Variants in SOX5 observed in about 807,000 individuals in gnomAD.
SOX5 encodes the protein transcription factor SOX-5.
Under a neutral mutation model 92.0 loss-of-function variants are expected in SOX5, and 9 were observed. The observed-to-expected ratio is 0.10, with a 90% CI of 0.06 to 0.17. The LOEUF (loss-of-function observed/expected upper bound fraction) is 0.17. Among genes scored for constraint, SOX5 ranks in the 10% least tolerant of loss-of-function variants. The pLI is 1.00. For synonymous variants in SOX5, 344 were observed against 336.3 expected (o/e 1.02, Z -0.25); for missense variants, 642 against 944.5 (o/e 0.68, Z 4.20).
chr12:24,530,384 T>C (rs899068730), intron 1 of SOX5, among the ~76,000 whole-genome samples: 12 of 152,168 alleles, frequency 7.9e-5, no homozygotes, highest in African/African-American at 2.9e-4. Flanking sequence ...AAAAACTGGG[T>C]TGGGATATAT....
intron 6 of SOX5, among the ~76,000 whole-genome samples, chr12:23,667,686 T>C (rs994472135): frequency 1.3e-5 from 2 of 151,918 alleles, no homozygotes; most frequent in East Asian, 1.9e-4. Context: ...AAGTAGGAGA[T>C]AAAGGAACTG....
chr12:24,158,908 T>C lies in SOX5; in HGVS notation c.-2+54435A>G, dbSNP rs555061267. ...TTTTTGAGATGTTCTTATCAAATAA[T>C]GAATCAATGAAGTTGGTTTCTTATA... On this transcript the variant is annotated intron_variant, in intron 4 of 4. Transcript: ENST00000446891. Among the ~76,000 whole-genome samples, 13 of 152,078 alleles carry C rather than the reference T, an allele frequency of 8.5e-5. No homozygotes were observed. The East Asian group carries it at 2.1e-3, about 25-fold the overall frequency.
rs537653653 is a variant in SOX5, at chr12:23,762,031, A to G, written c.482-6307T>C. On this transcript the variant is annotated intron_variant, in intron 3 of 14. Transcript: ENST00000451604. ...AGATTGAGCTAAATCTGGAAATCAT[A>G]TATCAGTAAGAGTTCAATTCATGTT... 3.0e-4 allele frequency among the ~76,000 whole-genome samples: 45 copies of G among 152,298 alleles called. No individual in the cohort carries two copies. The South Asian group carries it at 8.7e-3, about 30-fold the overall frequency.
At position 24,517,251 on chromosome 12, in the gene SOX5, T is replaced by A. The variant is rs140922096; in HGVS notation, c.-251+45078A>T. Among the ~76,000 whole-genome samples, 195 of 152,292 alleles carry A rather than the reference T, an allele frequency of 1.3e-3. 1 individual carries two copies. Among genetic ancestry groups the A allele is most frequent in the African/African-American group, 4.5e-3 (185 of 41,562 alleles). On this transcript the variant is annotated intron_variant, in intron 1 of 4. Transcript: ENST00000446891. The stretch of plus-strand genomic sequence containing the variant: ...CATTGTGAATAGTAAATTAACAAAT[T>A]CTGAATAGCTTGTAAAAAGGAAATC...
chr12:23,659,782 C>T (rs948759310), intron 7 of SOX5, among the ~76,000 whole-genome samples: 24 of 152,140 alleles, frequency 1.6e-4, no homozygotes, highest in African/African-American at 7.2e-5. Context: ...GCCTAGGCAA[C>T]GTGGCAAAAT....
At position 23,577,150 on chromosome 12, in the gene SOX5, T is replaced by TATACACACACAC. The variant is rs1387483353; in HGVS notation, c.1165-1313_1165-1312insGTGTGTGTGTAT. 3.1e-4 allele frequency among the ~76,000 whole-genome samples: 36 copies of TATACACACACAC among 117,592 alleles called. 1 individual carries two copies. The highest frequency in any genetic ancestry group is 1.0e-3 in the African/African-American group (31 of 30,700). The allele number at this position is 117,592 out of a possible 152,430, so 77.1% of individuals were successfully genotyped here. ...TCGATATCAAGTTTATATATATATA[T>TATACACACACAC]ACACACACACACACACACACACACA... On this transcript the variant is annotated intron_variant, in intron 9 of 14. Transcript: ENST00000451604.
intron 3 of SOX5, among the ~76,000 whole-genome samples, chr12:23,768,298 G>T (rs770054073): frequency 6.6e-6 from 1 of 152,026 alleles, no homozygotes. Context: ...AAGCCATGAA[G>T]GTCTGTGTTC....
intron 7 of SOX5, among the ~76,000 whole-genome samples, chr12:23,643,197 C>T (rs78612436): frequency 0.023 from 3,485 of 151,286 alleles, 122 homozygotes; most frequent in African/African-American, 0.078. Flanking sequence ...ACTGGTAAAA[C>T]CTAATGACTG....
chr12:23,825,811 C>A (rs966350143), intron 3 of SOX5, among the ~76,000 whole-genome samples: 33 of 152,182 alleles, frequency 2.2e-4, no homozygotes, highest in Non-Finnish European at 4.7e-4. Flanking sequence ...TATATGTATA[C>A]TTTAAAACTG....
At chr12:24,513,289 C>T (rs1328393714) in intron 1 of SOX5, among the ~76,000 whole-genome samples, 1 of 152,196 alleles carries the variant, frequency 6.6e-6, no homozygotes, top group Non-Finnish European at 1.5e-5. Context: ...TTATGATGGG[C>T]TTATGGGGAA....
intron 1 of SOX5, among the ~76,000 whole-genome samples, chr12:24,534,232 G>A (rs1951436346): frequency 6.6e-6 from 1 of 151,776 alleles, no homozygotes; most frequent in Admixed American, 6.6e-5. Flanking sequence ...AGCTGCAGTT[G>A]AGGGTTTCAT....
chr12:24,190,617 C>T (rs1321580664), intron 4 of SOX5, among the ~76,000 whole-genome samples: 4 of 152,062 alleles, frequency 2.6e-5, no homozygotes, highest in East Asian at 3.8e-4. Context: ...CTCTGGTCTC[C>T]GTGATTCGGA....
At position 24,419,969 on chromosome 12, in the gene SOX5, C is replaced by T. The variant is rs77373406; in HGVS notation, c.-250-51330G>A. Among the ~76,000 whole-genome samples the T allele has an allele frequency of 4.5e-3, 682 of 152,334 alleles. 11 individuals are homozygous for T. The East Asian group carries it at 0.051, about 11-fold the overall frequency. ...ACTGTGAAAGAAGACTCTGCTATGGCATTAAGCCAAAGAAATGCTAAGATC... is the reference window on the plus strand; with the variant it reads ...ACTGTGAAAGAAGACTCTGCTATGGTATTAAGCCAAAGAAATGCTAAGATC... On this transcript the variant is annotated intron_variant, in intron 1 of 4. Transcript: ENST00000446891.
rs76413563 is a variant in SOX5 at position 24,197,199 on chromosome 12, A to G, written c.-2+16144T>C. Among the ~76,000 whole-genome samples the G allele has an allele frequency of 2.6e-5, 4 of 152,280 alleles. No homozygotes were observed. In the East Asian group the frequency reaches 7.7e-4, roughly 29 times the overall value. On this transcript the variant is annotated intron_variant, in intron 4 of 4. Coordinates refer to the SOX5 transcript ENST00000446891. ...ATCTTGGGTGATGCCTCAGGTTTTC[A>G]TTTCCAGATCAATTTAATAGCCCCT...
At position 23,730,198 on chromosome 12, in the gene SOX5, T is replaced by C. The variant is rs990953701; in HGVS notation, c.810+4486A>G. Among the ~76,000 whole-genome samples, 5 of 151,910 alleles carry C rather than the reference T, an allele frequency of 3.3e-5. No homozygotes were observed. In the South Asian group the frequency reaches 1.0e-3, roughly 31 times the overall value. On this transcript the variant is annotated intron_variant, in intron 6 of 14. Transcript: ENST00000451604. ...TTGCTAAAAGATGGGGACTGTAGAA[T>C]AGGCAACAGAGTAAGAGGGAAAAAA...
In SOX5 at chr12:23,536,457, C is replaced by T. The variant is rs1471908639; in HGVS notation, c.1984G>A (p.Val662Ile). ...RRQEMRQYFN[V>I]GQQAQIPIAT... is the part of the protein sequence containing the mutation. ...AAATGACTAAAAGGTACATACCCAA[C>T]ATTGAAGTACTGCCGCATTTCCTGC... is the stretch of plus-strand genomic sequence containing the variant. The change falls in exon 14 of 15, where the codon GTT becomes ATT. Residue 662 changes from valine to isoleucine, a missense_variant. By Grantham distance (29) the Val-to-Ile change is conservative (BLOSUM62 3). Coordinates refer to ENST00000451604, the MANE Select transcript of SOX5 (RefSeq NM_006940.6). The T allele has an allele frequency of 1.9e-6, 3 of 1,613,454 alleles. No homozygotes were observed. Among genetic ancestry groups the T allele is most frequent in the Admixed American group, 1.7e-5 (1 of 60,024 alleles).
chr12:24,362,700 A>T (rs2136189509), intron 2 of SOX5, among the ~76,000 whole-genome samples: 1 of 152,330 alleles, frequency 6.6e-6, no homozygotes, highest in South Asian at 2.1e-4. Context: ...GGAAACTAAT[A>T]TTAACCTGGC....
In SOX5 at chr12:24,409,501, T is replaced by A. The variant is rs536501598; in HGVS notation, c.-250-40862A>T. 2.0e-5 allele frequency among the ~76,000 whole-genome samples: 3 copies of A among 152,324 alleles called. No individual in the cohort carries two copies. In the South Asian group the frequency reaches 6.2e-4, roughly 32 times the overall value. ...AAGTTTGAGATTATTATGAATAAAG[T>A]CATAAACATTTATATACAGGTTTTT... On this transcript the variant is annotated intron_variant, in intron 1 of 4. Transcript: ENST00000446891.
At chr12:24,334,862 A>G (rs1001293879) in intron 2 of SOX5, among the ~76,000 whole-genome samples, 1 of 152,016 alleles carries the variant, frequency 6.6e-6, no homozygotes, top group African/African-American at 2.4e-5. Context: ...AATCAATTAA[A>G]TGATAAATGG....
Sources: allele counts gnomAD v4.1 joint callset (sites outside exome capture counted in the v4.1 genomes callset), GRCh38; gene constraint gnomAD v4.1.1; transcripts MANE v1.5; gene names NCBI Gene and HGNC (gene_info 2026-07-23, HGNC 2026-07-21).